Variants in LRMDA observed in about 807,000 individuals in gnomAD.
The protein encoded by LRMDA is leucine rich melanocyte differentiation associated, also known as leucine-rich melanocyte differentiation-associated protein.
In LRMDA, 18 loss-of-function variants were observed where a neutral mutation model predicts 29.8. The observed-to-expected ratio is 0.60, with a 90% CI of 0.42 to 0.90. The LOEUF (loss-of-function observed/expected upper bound fraction) is 0.90. Ranked by LOEUF, LRMDA falls within the 40% of genes least tolerant of loss-of-function variation. LRMDA has a pLI of 0.00. For synonymous variants in LRMDA, 125 were observed against 109.4 expected (o/e 1.14, Z -0.89); for missense variants, 273 against 273.9 (o/e 1.00, Z 0.02).
intron 5 of LRMDA, among the ~76,000 whole-genome samples, chr10:76,128,314 G>A (rs1394554347): frequency 6.6e-6 from 1 of 152,196 alleles, no homozygotes; most frequent in Non-Finnish European, 1.5e-5. Flanking sequence ...CTGGATGCAA[G>A]CCATGGGGGC....
intron 2 of LRMDA, among the ~76,000 whole-genome samples, chr10:75,470,883 A>C (rs1055203203): frequency 1.3e-5 from 2 of 152,174 alleles, no homozygotes; most frequent in Non-Finnish European, 2.9e-5. Flanking sequence ...CTGCTTTCCC[A>C]TACCTGAAGG....
At chr10:76,151,382 C>T (rs777227325) in intron 5 of LRMDA, among the ~76,000 whole-genome samples, 1 of 152,172 alleles carries the variant, frequency 6.6e-6, no homozygotes, top group Non-Finnish European at 1.5e-5. Context: ...CCTCAGTTAC[C>T]TCTATTCCAT....
intron 2 of LRMDA, among the ~76,000 whole-genome samples, chr10:75,985,985 G>C (rs1382613945): frequency 6.6e-6 from 1 of 152,214 alleles, no homozygotes; most frequent in Non-Finnish European, 1.5e-5. Context: ...ACAGGAGTTG[G>C]TCAAGATGTT....
chr10:75,877,721 G>A (rs542351803), intron 2 of LRMDA, among the ~76,000 whole-genome samples: 3 of 152,316 alleles, frequency 2.0e-5, no homozygotes, highest in South Asian at 4.1e-4. Context: ...CTTAGTAAAA[G>A]CAAAACTCAG....
chr10:76,350,419 A>C (rs532687137), intron 6 of LRMDA, among the ~76,000 whole-genome samples: 133 of 152,224 alleles, frequency 8.7e-4, no homozygotes, highest in Non-Finnish European at 1.6e-3. Context: ...TGTTCAAAAG[A>C]AACGTTCATT....
intron 6 of LRMDA, among the ~76,000 whole-genome samples, chr10:76,353,806 T>C (rs553094723): frequency 6.6e-6 from 1 of 152,246 alleles, no homozygotes; most frequent in South Asian, 2.1e-4. Context: ...TGGAGATGTT[T>C]TCTGGTTTTT....
intron 5 of LRMDA, among the ~76,000 whole-genome samples, chr10:76,105,410 T>C (rs1364379284): frequency 6.6e-6 from 1 of 151,834 alleles, no homozygotes. Context: ...GAATGTGGGC[T>C]TATTTGGGGG....
chr10:75,588,380 G>A (rs1392607117), intron 2 of LRMDA, among the ~76,000 whole-genome samples: 1 of 152,202 alleles, frequency 6.6e-6, no homozygotes, highest in Non-Finnish European at 1.5e-5. Context: ...CGAGGGGCTT[G>A]TAGTCCTTTT....
intron 6 of LRMDA, among the ~76,000 whole-genome samples, chr10:76,490,982 T>C (rs1842828455): frequency 6.6e-6 from 1 of 151,974 alleles, no homozygotes; most frequent in South Asian, 2.1e-4. Context: ...GGCTTGCAAA[T>C]AATATCTTAT....
At chr10:76,127,613 G>C (rs1849907502) in intron 5 of LRMDA, among the ~76,000 whole-genome samples, 1 of 150,456 alleles carries the variant, frequency 6.6e-6, no homozygotes, top group Non-Finnish European at 1.5e-5. Flanking sequence ...TGTTTGGCAA[G>C]ACTCAGTGTG....
intron 4 of LRMDA, among the ~76,000 whole-genome samples, chr10:76,052,293 C>G (rs1363832589): frequency 6.6e-6 from 1 of 152,208 alleles, no homozygotes; most frequent in Non-Finnish European, 1.5e-5. Flanking sequence ...ATGCCCAGTT[C>G]CCTCAAGAAT....
intron 2 of LRMDA, among the ~76,000 whole-genome samples, chr10:75,446,488 A>G (rs1434410626): frequency 1.3e-5 from 2 of 152,194 alleles, no homozygotes; most frequent in African/African-American, 4.8e-5. Context: ...ATGTGTTTGC[A>G]TATCTCAGCG....
intron 2 of LRMDA, among the ~76,000 whole-genome samples, chr10:75,768,607 G>A (rs1843199405): frequency 6.6e-6 from 1 of 152,012 alleles, no homozygotes; most frequent in Non-Finnish European, 1.5e-5. Context: ...TATTTTTCTG[G>A]GTCTTGTTCC....
intron 2 of LRMDA, among the ~76,000 whole-genome samples, chr10:75,653,711 C>A (rs1272855143): frequency 6.6e-6 from 1 of 152,174 alleles, no homozygotes; most frequent in African/African-American, 2.4e-5. Flanking sequence ...TATTGCTAAT[C>A]TTTTCAAGAG....
In LRMDA at chr10:76,047,272, GA is replaced by G. The variant is rs745592608; in HGVS notation, c.371del (p.Lys124ArgfsTer20). On this transcript the variant is annotated frameshift_variant, in exon 4 of 7. Coordinates refer to ENST00000611255, the MANE Select transcript of LRMDA (RefSeq NM_001305581.2). LOFTEE classifies it high-confidence loss of function. ...VACPNELVSL[E>X]KDEEDYKRYR... is the part of the protein sequence containing the mutation. ...CTGTCCCAACGAGCTGGTCAGCTTGGAAAAGGATGAGGAAGACTACAAGAGA... is the reference window on the plus strand; with the variant it reads ...CTGTCCCAACGAGCTGGTCAGCTTGGAAAGGATGAGGAAGACTACAAGAGA... 1 of 1,613,586 alleles carries G rather than the reference GA, an allele frequency of 6.2e-7. No individual in the cohort carries two copies. Among genetic ancestry groups the G allele is most frequent in the South Asian group, 1.1e-5 (1 of 90,988 alleles).
At chr10:75,708,658 A>G (rs948677222) in intron 2 of LRMDA, among the ~76,000 whole-genome samples, 1 of 152,170 alleles carries the variant, frequency 6.6e-6, no homozygotes, top group Non-Finnish European at 1.5e-5. Context: ...CATTGGCTCA[A>G]TTAAAAAAAA....
chr10:76,338,909 A>G (rs537228167), intron 6 of LRMDA, among the ~76,000 whole-genome samples: 1 of 152,338 alleles, frequency 6.6e-6, no homozygotes, highest in East Asian at 1.9e-4. Flanking sequence ...CTATGAAGAT[A>G]TAATGGGAAT....
At chr10:75,660,011 C>G (rs1023837879) in intron 2 of LRMDA, among the ~76,000 whole-genome samples, 4 of 152,092 alleles carry the variant, frequency 2.6e-5, no homozygotes, top group African/African-American at 9.7e-5. Context: ...TTCTCTTTCT[C>G]CCTCTTTCTC....
intron 5 of LRMDA, among the ~76,000 whole-genome samples, chr10:76,199,217 G>T (rs889674398): frequency 6.6e-6 from 1 of 152,084 alleles, no homozygotes; most frequent in Admixed American, 6.6e-5. Context: ...CTGTGATAAT[G>T]GTCCTGTTTT....
Sources: allele counts gnomAD v4.1 joint callset (sites outside exome capture counted in the v4.1 genomes callset), GRCh38; gene constraint gnomAD v4.1.1; transcripts MANE v1.5; gene names NCBI Gene and HGNC (gene_info 2026-07-23, HGNC 2026-07-21).